Variants in KIAA0825 observed in about 807,000 individuals in gnomAD.
KIAA0825 encodes KIAA0825.
A neutral mutation model predicts 147.6 loss-of-function variants in KIAA0825; 119 were observed. The observed-to-expected ratio is 0.81, with a 90% CI of 0.69 to 0.94. The LOEUF (loss-of-function observed/expected upper bound fraction) is 0.94. KIAA0825 is among the 40% of genes least tolerant of loss of function. The pLI, the probability that KIAA0825 is intolerant of heterozygous loss-of-function variation, is 0.00. For synonymous variants in KIAA0825, 470 were observed against 518.1 expected, an observed-to-expected ratio of 0.91 and a Z score of 1.26; for missense variants, 1,381 against 1,472.7, an observed-to-expected ratio of 0.94 and a Z score of 1.02.
intron 20 of KIAA0825, among the ~76,000 whole-genome samples, chr5:94,260,958 A>C (rs569179722): frequency 1.3e-5 from 2 of 152,240 alleles, no homozygotes; most frequent in South Asian, 4.2e-4. Context: ...TTCTTATCTC[A>C]TCTGAAAATA....
chr5:94,541,164 A>G (rs1197084735), intron 2 of KIAA0825, among the ~76,000 whole-genome samples: 1 of 152,128 alleles, frequency 6.6e-6, no homozygotes, highest in Non-Finnish European at 1.5e-5. Context: ...TAACTGTACA[A>G]CTTGCCTGTT....
intron 20 of KIAA0825, among the ~76,000 whole-genome samples, chr5:94,262,954 C>A (rs1242043258): frequency 1.3e-5 from 2 of 152,114 alleles, no homozygotes; most frequent in African/African-American, 2.4e-5. Context: ...CCATTTCAGA[C>A]CCAGTCTAGT....
intron 20 of KIAA0825, among the ~76,000 whole-genome samples, chr5:94,317,342 T>C (rs189246514): frequency 6.6e-6 from 1 of 151,986 alleles, no homozygotes; most frequent in Admixed American, 6.6e-5. Context: ...TTTAAAATAT[T>C]TTGAAAATAC....
chr5:94,167,305 C>A (rs147014829), intron 20 of KIAA0825, among the ~76,000 whole-genome samples: 18 of 152,138 alleles, frequency 1.2e-4, no homozygotes, highest in Non-Finnish European at 2.4e-4. Flanking sequence ...TTTTAGGTAA[C>A]TCGAAAGTTG....
At chr5:94,369,175 A>T (rs985715621) in intron 20 of KIAA0825, among the ~76,000 whole-genome samples, 19 of 151,976 alleles carry the variant, frequency 1.3e-4, no homozygotes, top group African/African-American at 4.6e-4. Context: ...AATATAAATA[A>T]AATATTATTA....
chr5:94,388,237 G>A (rs1482261121), intron 18 of KIAA0825, among the ~76,000 whole-genome samples: 1 of 152,118 alleles, frequency 6.6e-6, no homozygotes, highest in Non-Finnish European at 1.5e-5. Context: ...CTGATATGAC[G>A]ATAGGTGGAG....
At chr5:94,523,867 T>C in intron 4 of KIAA0825, 63 bp downstream of exon 4, 4 of 1,069,876 alleles carry the variant, frequency 3.7e-6, no homozygotes, top group African/African-American at 3.2e-5. Context: ...CGTATAGAAA[T>C]TGAATGAGTT....
At chr5:94,580,700 C>A (rs1781943292) in intron 2 of KIAA0825, among the ~76,000 whole-genome samples, 1 of 64,380 alleles carries the variant, frequency 1.6e-5, no homozygotes, top group East Asian at 3.3e-4. Context: ...AATGGTGAAA[C>A]CCCGTCTCTA....
intron 20 of KIAA0825, among the ~76,000 whole-genome samples, chr5:94,197,166 G>A (rs1771211789): frequency 6.6e-6 from 1 of 152,158 alleles, no homozygotes; most frequent in African/African-American, 2.4e-5. Context: ...CATTCTGACT[G>A]GTGTGAGATA....
At chr5:94,417,462 G>C (rs1034039501) in intron 14 of KIAA0825, 97 bp from the exon 15 acceptor site, 1 of 939,856 alleles carries the variant, frequency 1.1e-6, no homozygotes, top group Non-Finnish European at 1.5e-6. Context: ...TAATGCTGTG[G>C]AAATGGTTTT....
chr5:94,485,044 T>G, intron 5 of KIAA0825, 114 bp from the exon 6 acceptor site: 1 of 614,902 alleles, frequency 1.6e-6, no homozygotes, highest in Non-Finnish European at 2.4e-6. Context: ...TCCTCCATAA[T>G]TAAACCAAAT....
At chr5:94,363,586 A>T (rs1488747522) in intron 20 of KIAA0825, among the ~76,000 whole-genome samples, 1 of 152,186 alleles carries the variant, frequency 6.6e-6, no homozygotes, top group Non-Finnish European at 1.5e-5. Flanking sequence ...ATTGCTTTTT[A>T]AAGTTTTTAA....
rs1383544452 is a variant in KIAA0825, at chr5:94,337,139, G to A, written c.3710+47229C>T. ...AGGGCTGAGGGTGGGAGCAAGGATC[G>A]ACTGCAGATTTGTATAAAGAAACAT... On this transcript the variant is annotated intron_variant, in intron 20 of 20. Coordinates refer to ENST00000682413, the MANE Select transcript of KIAA0825 (RefSeq NM_001145678.3). 3.9e-5 allele frequency among the ~76,000 whole-genome samples: 6 copies of A among 152,052 alleles called. No individual in the cohort carries two copies. In the East Asian group the frequency reaches 9.6e-4, roughly 24 times the overall value.
intron 20 of KIAA0825, among the ~76,000 whole-genome samples, chr5:94,195,299 T>C (rs550622313): frequency 3.2e-4 from 48 of 152,342 alleles, no homozygotes; most frequent in African/African-American, 1.1e-3. Context: ...GCCAATCCAA[T>C]AAATTCTAAT....
chr5:94,236,137 T>C (rs1775029637), intron 20 of KIAA0825, among the ~76,000 whole-genome samples: 1 of 152,220 alleles, frequency 6.6e-6, no homozygotes, highest in Non-Finnish European at 1.5e-5. Flanking sequence ...CTGCCAAAGA[T>C]AGTGATTCCT....
chr5:94,465,060 CT>C lies in KIAA0825; in HGVS notation c.1873-2del, dbSNP rs1490534805. The C allele has an allele frequency of 6.4e-7, 1 of 1,550,906 alleles. No homozygotes were observed. Among genetic ancestry groups the C allele is most frequent in the South Asian group, 1.2e-5 (1 of 83,904 alleles). ...GGATCGAGAAGGAACATCTTTCCCCCTGGCAAAGCCAGCACACGTTAAACCA... is the reference window on the plus strand; with the variant it reads ...GGATCGAGAAGGAACATCTTTCCCCCGGCAAAGCCAGCACACGTTAAACCA... On this transcript the variant is annotated splice_acceptor_variant, in intron 10 of 20. Transcript: ENST00000682413. LOFTEE classifies it high-confidence loss of function.
At chr5:94,429,228 C>G (rs1290482935) in intron 14 of KIAA0825, among the ~76,000 whole-genome samples, 1 of 152,174 alleles carries the variant, frequency 6.6e-6, no homozygotes, top group Admixed American at 6.5e-5. Flanking sequence ...TGCTGGAGAG[C>G]TAGTGCAATC....
chr5:94,546,573 A>T (rs1042730992), intron 2 of KIAA0825, among the ~76,000 whole-genome samples: 7 of 151,958 alleles, frequency 4.6e-5, no homozygotes, highest in African/African-American at 1.7e-4. Flanking sequence ...GTAAGGGAGG[A>T]GAACATGAGT....
At chr5:94,360,943 G>A (rs1421726481) in intron 20 of KIAA0825, among the ~76,000 whole-genome samples, 3 of 152,130 alleles carry the variant, frequency 2.0e-5, no homozygotes, top group African/African-American at 7.2e-5. Flanking sequence ...TCTGGATCGG[G>A]ATCCCCTTCC....
Sources: allele counts gnomAD v4.1 joint callset (sites outside exome capture counted in the v4.1 genomes callset), GRCh38; gene constraint gnomAD v4.1.1; transcripts MANE v1.5; gene names NCBI Gene and HGNC (gene_info 2026-07-23, HGNC 2026-07-21).